The following AK6 variants were observed in gnomAD, a reference collection of about 807,000 sequenced individuals.
AK6 encodes the protein adenylate kinase isoenzyme 6.
Under a neutral mutation model 23.7 loss-of-function variants are expected in AK6, and 24 were observed. The observed-to-expected ratio is 1.01, with a 90% CI of 0.73 to 1.43. AK6 has a LOEUF of 1.43. Among genes scored for constraint, AK6 ranks in the 40% most tolerant of loss-of-function variants. The probability of loss-of-function intolerance (pLI) is 0.00; values close to 1 mark genes in which losing one functional copy is unlikely to be tolerated. For missense variants in AK6, 191 were observed against 199.1 expected, an observed-to-expected ratio of 0.96 and a Z score of 0.24; for synonymous variants, 73 against 69.8, an observed-to-expected ratio of 1.05 and a Z score of -0.23.
intron 2 of AK6, among the ~76,000 whole-genome samples, chr5:69,359,386 G>A (rs1226973563): frequency 4.6e-5 from 7 of 151,888 alleles, no homozygotes; most frequent in African/African-American, 9.7e-5. Flanking sequence ...CTGGGATTAC[G>A]GGTGCCCGCC....
intron 2 of AK6, among the ~76,000 whole-genome samples, chr5:69,359,254 T>A (rs954416566): frequency 1.2e-4 from 18 of 151,742 alleles, no homozygotes; most frequent in Admixed American, 3.3e-4. Context: ...TTTTTTTTTT[T>A]AAATTTTGAG....
chr5:69,365,346 G>T, intron 2 of AK6: 3 of 1,614,236 alleles, frequency 1.9e-6, no homozygotes, highest in Non-Finnish European at 1.7e-6. Context: ...TTTCTGTAAA[G>T]ATTTCAGCCT....
intron 2 of AK6, among the ~76,000 whole-genome samples, chr5:69,357,363 A>G (rs1357561325): frequency 6.6e-6 from 1 of 152,210 alleles, no homozygotes; most frequent in Non-Finnish European, 1.5e-5. Flanking sequence ...ACTGGTTAAC[A>G]ATTTAGAAAA....
At chr5:69,369,204 C>G (rs1427882814) in intron 1 of AK6, 1 of 489,250 alleles carries the variant, frequency 2.0e-6, no homozygotes, top group African/African-American at 2.1e-5. Flanking sequence ...AGCTGGAGAG[C>G]TGGATCTGCC....
At chr5:69,362,120 A>G (rs1762257367) in intron 2 of AK6, among the ~76,000 whole-genome samples, 1 of 151,606 alleles carries the variant, frequency 6.6e-6, no homozygotes, top group South Asian at 2.1e-4. Flanking sequence ...TTTTTTTCCG[A>G]CTTTAGTGAG....
intron 2 of AK6, among the ~76,000 whole-genome samples, chr5:69,356,332 C>G (rs1028428605): frequency 5.3e-5 from 8 of 152,090 alleles, no homozygotes; most frequent in Admixed American, 3.9e-4. Context: ...AACACACTCA[C>G]ATACATTTAA....
At chr5:69,365,016 G>T (rs1762358482) in intron 2 of AK6, 2 of 1,613,898 alleles carry the variant, frequency 1.2e-6, no homozygotes, top group African/African-American at 2.7e-5. Flanking sequence ...CAATGCATTT[G>T]ATGATTCATT....
intron 4 of AK6, among the ~76,000 whole-genome samples, chr5:69,354,860 CTG>C (rs1339608884): frequency 6.6e-6 from 1 of 152,112 alleles, no homozygotes; most frequent in Non-Finnish European, 1.5e-5. Context: ...GAGTCTCACT[CTG>C]TTGCCCAGGC....
intron 2 of AK6, among the ~76,000 whole-genome samples, chr5:69,364,298 A>G (rs1300393222): frequency 1.3e-5 from 2 of 151,942 alleles, no homozygotes; most frequent in Non-Finnish European, 2.9e-5. Flanking sequence ...AGTATCAGGA[A>G]TATGAAAAAC....
In AK6 at chr5:69,355,905, T is replaced by C; in HGVS notation, c.170A>G (p.Asp57Gly). 6.2e-7 allele frequency: 1 copy of C among 1,610,348 alleles called. No homozygotes were observed. The highest frequency in any genetic ancestry group is 8.5e-7 in the Non-Finnish European group (1 of 1,178,918). ...AAAAGTCATACTTACTCTGTCTTCA[T>C]CTAAAATGGGACAGTCATACTCTTC... Reference protein sequence around the residue: ...YDEEYDCPILDEDRVVDELDN... With the variant: ...YDEEYDCPILGEDRVVDELDN... Residue 57 changes from aspartate to glycine, a missense_variant, in exon 3 of 5, where the codon GAT becomes GGT. Coordinates refer to ENST00000380822, the MANE Select transcript of AK6 (RefSeq NM_016283.5).
intron 2 of AK6, chr5:69,364,659 T>C (rs1762340495): frequency 1.4e-5 from 7 of 515,260 alleles, no homozygotes; most frequent in Non-Finnish European, 2.1e-5. Flanking sequence ...TACTGCAAAT[T>C]GCTGCAACTG....
intron 2 of AK6, among the ~76,000 whole-genome samples, chr5:69,361,193 G>A (rs891866726): frequency 4.6e-5 from 7 of 151,800 alleles, no homozygotes; most frequent in South Asian, 2.1e-4. Flanking sequence ...TCACTCTGTC[G>A]CCCAGGCTAG....
chr5:69,352,474 T>TC (rs1761971886), intron 4 of AK6, among the ~76,000 whole-genome samples: 1 of 150,112 alleles, frequency 6.7e-6, no homozygotes, highest in Non-Finnish European at 1.5e-5. Flanking sequence ...TTGTTTGAAT[T>TC]TCCCCCCCCC....
intron 2 of AK6, among the ~76,000 whole-genome samples, chr5:69,364,235 A>G (rs1762325733): frequency 6.6e-6 from 1 of 151,336 alleles, no homozygotes; most frequent in African/African-American, 2.4e-5. Context: ...ATATATAAAC[A>G]CTATAACCTA....
Position 69,369,482 on chromosome 5 carries a change from A to C in AK6, c.9T>G (p.Leu3=), listed in dbSNP as rs562855022. ML[L]PNILLTGTPG... is the part of the protein sequence containing the mutation. ...CCTGACCGGTGAGCAGGATGTTCGG[A>C]AGCAACATGGTCCCCGCCGCGACGG... Residue 3 remains leucine, a synonymous_variant, in exon 1 of 5, where the codon CTT becomes CTG. Coordinates refer to ENST00000380822, the MANE Select transcript of AK6 (RefSeq NM_016283.5). The C allele has an allele frequency of 5.7e-5, 92 of 1,611,184 alleles. 1 individual carries two copies. In the African/African-American group the frequency reaches 1.0e-3, roughly 18 times the overall value.
chr5:69,359,773 T>C (rs936492036), intron 2 of AK6, among the ~76,000 whole-genome samples: 2 of 152,204 alleles, frequency 1.3e-5, no homozygotes, highest in African/African-American at 4.8e-5. Flanking sequence ...ATTCACCACA[T>C]TTACCTCAAC....
intron 4 of AK6, 200 bp downstream of exon 4, chr5:69,355,449 T>G: frequency 2.0e-6 from 1 of 509,056 alleles, no homozygotes; most frequent in Non-Finnish European, 3.4e-6. Flanking sequence ...AAGAATTGCT[T>G]GAACCAGGGA....
chr5:69,365,496 T>G, intron 2 of AK6: 1 of 1,614,108 alleles, frequency 6.2e-7, no homozygotes, highest in Non-Finnish European at 8.5e-7. Context: ...GGTAAAAGAC[T>G]GATCAGCGCG....
At chr5:69,366,701 C>T (rs1762442075) in intron 1 of AK6, 106 bp from the exon 2 acceptor site, 4 of 804,248 alleles carry the variant, frequency 5.0e-6, no homozygotes, top group Non-Finnish European at 8.2e-6. Context: ...CTCACCTGGC[C>T]TCTGCCCTTA....
Sources: gnomAD v4.1 joint callset for allele counts (sites outside exome capture counted in the v4.1 genomes callset) on GRCh38, gnomAD v4.1.1 for gene constraint, MANE v1.5 for transcripts, NCBI Gene and HGNC (gene_info 2026-07-23, HGNC 2026-07-21) for gene names.